Variants in SLC9A9 observed in about 807,000 individuals in gnomAD.
The protein encoded by SLC9A9 is solute carrier family 9 member A9.
In SLC9A9, 62 loss-of-function variants were observed where a neutral mutation model predicts 77.8. The ratio of observed to expected loss-of-function variants is 0.80; its 90% CI spans 0.65 to 0.98. The LOEUF (loss-of-function observed/expected upper bound fraction) is 0.98, where lower values mean the gene tolerates loss of function less well. Among genes scored for constraint, SLC9A9 ranks in the 50% least tolerant of loss-of-function variants. The pLI, the probability that SLC9A9 is intolerant of heterozygous loss-of-function variation, is 0.00. For synonymous variants in SLC9A9, 320 were observed against 283.5 expected (o/e 1.13, Z -1.29); for missense variants, 775 against 774.9 (o/e 1.00, Z 0.00).
chr3:143,493,563 C>A (rs1478816213), intron 11 of SLC9A9, 90 bp downstream of exon 11: 1 of 1,206,218 alleles, frequency 8.3e-7, no homozygotes, highest in Non-Finnish European at 1.2e-6. Flanking sequence ...GTTGTTTCCC[C>A]AAAAGGGTTC....
At chr3:143,429,766 G>GGCGT (rs397712414) in intron 12 of SLC9A9, among the ~76,000 whole-genome samples, 1 of 151,962 alleles carries the variant, frequency 6.6e-6, no homozygotes, top group Non-Finnish European at 1.5e-5. Flanking sequence ...TCCTCAGAGC[G>GGCGT]TGTGTAGGAT....
At chr3:143,794,619 T>C (rs1032692794) in intron 4 of SLC9A9, among the ~76,000 whole-genome samples, 5 of 152,172 alleles carry the variant, frequency 3.3e-5, no homozygotes, top group Non-Finnish European at 5.9e-5. Flanking sequence ...ACTCTTGGCA[T>C]ATAGTTACTT....
intron 4 of SLC9A9, among the ~76,000 whole-genome samples, chr3:143,780,151 T>C (rs2007825080): frequency 6.6e-6 from 1 of 152,246 alleles, no homozygotes; most frequent in Non-Finnish European, 1.5e-5. Context: ...GTAAGCAATT[T>C]ATCTACATAT....
chr3:143,694,174 G>T (rs1420583663), intron 4 of SLC9A9, among the ~76,000 whole-genome samples: 1 of 152,064 alleles, frequency 6.6e-6, no homozygotes, highest in South Asian at 2.1e-4. Context: ...TGAACTTAAA[G>T]TTAGTTCTCA....
chr3:143,502,688 G>A (rs760798971), intron 9 of SLC9A9, among the ~76,000 whole-genome samples: 2 of 151,900 alleles, frequency 1.3e-5, no homozygotes, highest in South Asian at 2.1e-4. Flanking sequence ...TATGAGGCTC[G>A]ACACAACCTG....
At chr3:143,290,571 A>G (rs6786757) in intron 14 of SLC9A9, among the ~76,000 whole-genome samples, 37,055 of 152,030 alleles carry the variant, frequency 0.24, 8,368 homozygotes, top group African/African-American at 0.6. Flanking sequence ...GTCAGCCATC[A>G]CACATAGCAT....
intron 9 of SLC9A9, among the ~76,000 whole-genome samples, chr3:143,537,589 T>A (rs542962998): frequency 1.6e-4 from 24 of 152,354 alleles, no homozygotes; most frequent in African/African-American, 5.5e-4. Flanking sequence ...TCTCTTCAAT[T>A]AGCAGGAAGG....
chr3:143,607,945 A>G (rs1252493757), intron 6 of SLC9A9, among the ~76,000 whole-genome samples: 1 of 152,166 alleles, frequency 6.6e-6, no homozygotes, highest in African/African-American at 2.4e-5. Flanking sequence ...AGGTATATTC[A>G]TATACAGAAG....
intron 4 of SLC9A9, among the ~76,000 whole-genome samples, chr3:143,727,645 C>T (rs1244877064): frequency 6.6e-6 from 1 of 152,150 alleles, no homozygotes; most frequent in Non-Finnish European, 1.5e-5. Context: ...GCTGGCAGAG[C>T]TCATCTTCTA....
intron 2 of SLC9A9, among the ~76,000 whole-genome samples, chr3:143,798,880 A>AT (rs1424823742): frequency 2.0e-5 from 3 of 151,102 alleles, no homozygotes; most frequent in African/African-American, 4.9e-5. Flanking sequence ...AGTCTTTCCA[A>AT]TTTTCCTTTT....
intron 5 of SLC9A9, among the ~76,000 whole-genome samples, chr3:143,669,787 G>A (rs552011587): frequency 6.8e-4 from 104 of 152,296 alleles, no homozygotes; most frequent in Non-Finnish European, 1.2e-3. Context: ...TAAGCTTCAA[G>A]TAAGCTTCCT....
At chr3:143,577,895 C>G (rs1403526971) in intron 7 of SLC9A9, among the ~76,000 whole-genome samples, 1 of 152,204 alleles carries the variant, frequency 6.6e-6, no homozygotes, top group African/African-American at 2.4e-5. Flanking sequence ...CCTTCCTCCT[C>G]TACTCCAGCT....
intron 4 of SLC9A9, among the ~76,000 whole-genome samples, chr3:143,722,422 G>A (rs1484380897): frequency 1.5e-5 from 2 of 137,570 alleles, no homozygotes; most frequent in East Asian, 2.1e-4. Flanking sequence ...GCAGTGAGCC[G>A]AGATCAGGCC....
chr3:143,552,717 C>T (rs1317259635), intron 8 of SLC9A9, among the ~76,000 whole-genome samples: 1 of 152,082 alleles, frequency 6.6e-6, no homozygotes, highest in African/African-American at 2.4e-5. Flanking sequence ...ATAAACGGGT[C>T]CCTGTTCATG....
intron 12 of SLC9A9, among the ~76,000 whole-genome samples, chr3:143,465,805 G>A (rs946098152): frequency 6.6e-6 from 1 of 152,202 alleles, no homozygotes; most frequent in African/African-American, 2.4e-5. Context: ...GAAATTGCAA[G>A]TCACATTTAT....
At chr3:143,416,260 T>A (rs796133926) in intron 12 of SLC9A9, among the ~76,000 whole-genome samples, 4 of 152,284 alleles carry the variant, frequency 2.6e-5, no homozygotes, top group African/African-American at 9.6e-5. Flanking sequence ...TATACAAACT[T>A]GATTGATAAA....
Position 143,329,349 on chromosome 3 carries a change from T to C in SLC9A9, c.1604+34135A>G, listed in dbSNP as rs534361364. ...ACCAGGGGCTGACCAGAGTACTTAG[T>C]AGAACAACATGGCCAAAATGAAAAA... On this transcript the variant is annotated intron_variant, in intron 14 of 15. Coordinates refer to ENST00000316549, the MANE Select transcript of SLC9A9 (RefSeq NM_173653.4). Among the ~76,000 whole-genome samples the C allele has an allele frequency of 4.6e-5, 7 of 152,288 alleles. No homozygotes were observed. The South Asian group carries it at 1.5e-3, about 32-fold the overall frequency.
intron 5 of SLC9A9, among the ~76,000 whole-genome samples, chr3:143,658,249 C>T (rs1428297700): frequency 6.6e-6 from 1 of 152,136 alleles, no homozygotes; most frequent in Non-Finnish European, 1.5e-5. Flanking sequence ...GTTTTGATAC[C>T]AAAAATCTTG....
chr3:143,344,780 A>G (rs1056188019), intron 14 of SLC9A9, among the ~76,000 whole-genome samples: 5 of 152,154 alleles, frequency 3.3e-5, no homozygotes, highest in African/African-American at 9.7e-5. Context: ...TTTTTTTCAA[A>G]AAAGACTTGA....
Sources: gnomAD v4.1 joint callset for allele counts (sites outside exome capture counted in the v4.1 genomes callset) on GRCh38, gnomAD v4.1.1 for gene constraint, MANE v1.5 for transcripts, NCBI Gene and HGNC (gene_info 2026-07-23, HGNC 2026-07-21) for gene names.